Variants in LSMEM2 observed in about 807,000 individuals in gnomAD.
LSMEM2 encodes leucine-rich single-pass membrane protein 2.
LSMEM2 carries 20 observed loss-of-function variants against 17.3 expected under a neutral mutation model. The ratio of observed to expected loss-of-function variants is 1.16; its 90% confidence interval spans 0.81 to 1.68. The LOEUF is 1.68. Among genes scored for constraint, LSMEM2 ranks in the 40% most tolerant of loss-of-function variants. The probability of loss-of-function intolerance (pLI) is 0.00; values close to 1 mark genes in which losing one functional copy is unlikely to be tolerated. For synonymous variants in LSMEM2, 94 were observed against 97.8 expected (o/e 0.96, Z 0.23); for missense variants, 207 against 214.3 (o/e 0.97, Z 0.21).
chr3:50,279,728 C>T (rs1701349858), intron 1 of LSMEM2, among the ~76,000 whole-genome samples: 1 of 152,126 alleles, frequency 6.6e-6, no homozygotes, highest in East Asian at 1.9e-4. Context: ...ATAAGAAGTA[C>T]TGATGCTCAG....
Position 50,284,896 on chromosome 3 carries a change from C to T in LSMEM2, c.59-1575C>T, listed in dbSNP as rs185723856. ...ACTGAAAATACAAAAATTAGCAGGGCGTGGTGGCACACATCTGTAATCCCA... is the reference window on the plus strand; with the variant it reads ...ACTGAAAATACAAAAATTAGCAGGGTGTGGTGGCACACATCTGTAATCCCA... On this transcript the variant is annotated intron_variant, in intron 1 of 3. Transcript: ENST00000316436. 3.2e-3 allele frequency among the ~76,000 whole-genome samples: 483 copies of T among 151,840 alleles called. 1 individual carries two copies. The highest frequency in any genetic ancestry group is 0.021 in the Middle Eastern group (6 of 284).
At chr3:50,279,404 C>T (rs1167006352) in intron 1 of LSMEM2, among the ~76,000 whole-genome samples, 2 of 152,154 alleles carry the variant, frequency 1.3e-5, no homozygotes, top group African/African-American at 4.8e-5. Flanking sequence ...CTGGGGACAT[C>T]AAGGAGGGAT....
At chr3:50,281,973 C>T (rs1553707812) in intron 1 of LSMEM2, among the ~76,000 whole-genome samples, 1 of 152,084 alleles carries the variant, frequency 6.6e-6, no homozygotes, top group Non-Finnish European at 1.5e-5. Flanking sequence ...TGCCTTCAGC[C>T]TCCTGAGTAG....
Position 50,287,181 on chromosome 3 carries a change from T to C in LSMEM2, c.474T>C (p.Ser158=). The change falls in exon 4 of 4, where the codon AGT becomes AGC. Residue 158 remains serine, a synonymous_variant. Transcript: ENST00000316436. The part of the protein sequence containing the change: ...SLSQLRRLNS[S]EAQAPS ...GCCAGCTTCGGAGGCTCAACTCCAG[T>C]GAGGCCCAAGCACCCAGCTGAGATG... 6.2e-7 allele frequency: 1 copy of C among 1,612,660 alleles called. No homozygotes were observed. Among genetic ancestry groups the C allele is most frequent in the South Asian group, 1.1e-5 (1 of 91,076 alleles).
rs148275651 is a variant in LSMEM2, at chr3:50,281,874, C to T, written c.58+2703C>T. 6.0e-3 allele frequency among the ~76,000 whole-genome samples: 902 copies of T among 150,758 alleles called. 8 individuals carry two copies. Among genetic ancestry groups the T allele is most frequent in the African/African-American group, 0.021 (850 of 41,068 alleles). The stretch of plus-strand genomic sequence containing the variant: ...TTAATTACTTTTTTGTTTTTTGAGA[C>T]GAGGTCTAGCTCTGTCGCCCAGGCT... On this transcript the variant is annotated intron_variant, in intron 1 of 3. Transcript: ENST00000316436.
chr3:50,280,679 C>T (rs782615214), intron 1 of LSMEM2, among the ~76,000 whole-genome samples: 87 of 150,906 alleles, frequency 5.8e-4, no homozygotes, highest in Middle Eastern at 3.4e-3. Context: ...CTGCAAGCTC[C>T]GCCTTCCGGG....
In LSMEM2 at chr3:50,286,810, G is replaced by A. The variant is rs148270141; in HGVS notation, c.309G>A (p.Ala103=). The change falls in exon 3 of 4, where the codon GCG becomes GCA. Residue 103 remains alanine (A), a synonymous_variant. Coordinates refer to ENST00000316436, the MANE Select transcript of LSMEM2 (RefSeq NM_153215.3). ...YRRGGFLLLL[A]LLVLTCLVLA... is the part of the protein sequence containing the mutation. The stretch of plus-strand genomic sequence containing the variant: ...GAGGAGGGTTCCTGCTGCTGCTCGC[G>A]CTGCTGGTGCTCACTTGCCTAGTGC... The A allele has an allele frequency of 5.0e-5, 81 of 1,613,898 alleles. 1 individual carries two copies. Among genetic ancestry groups the A allele is most frequent in the East Asian group, 2.2e-4 (10 of 44,900 alleles).
At position 50,287,892 on chromosome 3, in the gene LSMEM2, A is replaced by G; in HGVS notation, c.*690A>G. On this transcript the variant is annotated 3_prime_UTR_variant, in exon 4 of 4. Transcript: ENST00000316436. Reference sequence around the variant, plus strand: ...AAGAGTGGGTCATCCTGGGGGAGCAAGGCCTGAGAAAGGAAAGGAAGGGAA... The same window carrying G: ...AAGAGTGGGTCATCCTGGGGGAGCAGGGCCTGAGAAAGGAAAGGAAGGGAA... 1 of 383,946 alleles carries G rather than the reference A, an allele frequency of 2.6e-6. No homozygotes were observed. 23.8% of individuals were successfully genotyped at this position (383,946 alleles called of 1,614,324 possible).
intron 1 of LSMEM2, among the ~76,000 whole-genome samples, chr3:50,283,826 GA>G (rs1701455164): frequency 6.6e-6 from 1 of 151,984 alleles, no homozygotes; most frequent in Non-Finnish European, 1.5e-5. Context: ...AAACTTCAAT[GA>G]GTGTGAAAGT....
At position 50,286,807 on chromosome 3, in the gene LSMEM2, C is replaced by T. The variant is rs116862338; in HGVS notation, c.306C>T (p.Leu102=). Residue 102 remains leucine (L), a synonymous_variant, in exon 3 of 4, where the codon CTC becomes CTT. Transcript: ENST00000316436. Reference sequence around the variant, plus strand: ...GACGAGGAGGGTTCCTGCTGCTGCTCGCGCTGCTGGTGCTCACTTGCCTAG... The same window carrying T: ...GACGAGGAGGGTTCCTGCTGCTGCTTGCGCTGCTGGTGCTCACTTGCCTAG... The part of the protein sequence containing the change: ...VYRRGGFLLL[L]ALLVLTCLVL... The T allele has an allele frequency of 1.9e-5, 30 of 1,614,036 alleles. No homozygotes were observed. The East Asian group carries it at 2.7e-4, about 14-fold the overall frequency.
Position 50,286,718 on chromosome 3 carries a change from G to C in LSMEM2, c.217G>C (p.Asp73His). 1 of 1,614,268 alleles carries C rather than the reference G, an allele frequency of 6.2e-7. No homozygotes were observed. Among genetic ancestry groups the C allele is most frequent in the Non-Finnish European group, 8.5e-7 (1 of 1,180,050 alleles). Residue 73 changes from aspartate (D) to histidine (H), a missense_variant, in exon 3 of 4, where the codon GAT becomes CAT. Coordinates refer to ENST00000316436, the MANE Select transcript of LSMEM2 (RefSeq NM_153215.3). ...PYLTEEARPWDELLGVLPPSL... is the reference protein window; with the variant it reads ...PYLTEEARPWHELLGVLPPSL... Reference sequence around the variant, plus strand: ...TCTAACTGAAGAGGCACGACCGTGGGATGAGCTGCTGGGCGTTTTGCCGCC... The same window carrying C: ...TCTAACTGAAGAGGCACGACCGTGGCATGAGCTGCTGGGCGTTTTGCCGCC...
rs1307905722 is a variant in LSMEM2 at position 50,287,089 on chromosome 3, C to T, written c.382C>T (p.Arg128Cys). The T allele has an allele frequency of 1.4e-5, 22 of 1,614,022 alleles. No homozygotes were observed. The highest frequency in any genetic ancestry group is 1.6e-5 in the Non-Finnish European group (19 of 1,180,016). ...CACAGTGCTGCAGAGTGAATCCCTG[C>T]GCATCCTGGCACACACGCTCCGCAC... Reference protein sequence around the residue: ...YLSVLQSESLRILAHTLRTQE... With the variant: ...YLSVLQSESLCILAHTLRTQE... The change falls in exon 4 of 4, where the codon CGC becomes TGC. Residue 128 changes from arginine (R) to cysteine (C), a missense_variant. Transcript: ENST00000316436.
In LSMEM2 at chr3:50,279,125, G is replaced by A. The variant is rs1701334886; in HGVS notation, c.12G>A (p.Leu4=). The change falls in exon 1 of 4, where the codon TTG becomes TTA. Residue 4 remains leucine, a synonymous_variant. Transcript: ENST00000316436. ...AGTCCTGCTACTGGATGCCATCATTGGCCCCCGACTGCCCACTGCTTGCCA... is the reference window on the plus strand; with the variant it reads ...AGTCCTGCTACTGGATGCCATCATTAGCCCCCGACTGCCCACTGCTTGCCA... MPS[L]APDCPLLAMP... The A allele has an allele frequency of 1.9e-6, 3 of 1,614,140 alleles. No individual in the cohort carries two copies. The East Asian group carries it at 6.7e-5, about 36-fold the overall frequency.
At chr3:50,283,944 G>A (rs189378367) in intron 1 of LSMEM2, among the ~76,000 whole-genome samples, 28 of 152,204 alleles carry the variant, frequency 1.8e-4, no homozygotes, top group Middle Eastern at 3.4e-3. Flanking sequence ...GGTGGCTTGC[G>A]CCTATAATCC....
chr3:50,287,343 A>AACTT lies in LSMEM2; in HGVS notation c.*143_*146dup, dbSNP rs1247045472. On this transcript the variant is annotated 3_prime_UTR_variant, in exon 4 of 4. Transcript: ENST00000316436. ...GATTTTTGTACAAGAACCTGTTGTT[A>AACTT]ACTTAATGGCTGCCTCCCTCTCCTG... is the stretch of plus-strand genomic sequence containing the variant. 9.8e-6 allele frequency: 11 copies of AACTT among 1,122,826 alleles called. No individual in the cohort carries two copies. In the African/African-American group the frequency reaches 1.4e-4, roughly 14 times the overall value. 69.6% of individuals were successfully genotyped at this position (1,122,826 alleles called of 1,614,324 possible). A position where few individuals can be genotyped will look rare whatever the true frequency, so the allele number is the denominator to read the frequency against.
intron 1 of LSMEM2, among the ~76,000 whole-genome samples, chr3:50,284,248 A>G (rs587753561): frequency 6.6e-6 from 1 of 150,432 alleles, no homozygotes; most frequent in South Asian, 2.1e-4. Flanking sequence ...TATTAGTCAC[A>G]CTCCCTAGGC....
chr3:50,279,787 C>G (rs1206715206), intron 1 of LSMEM2, among the ~76,000 whole-genome samples: 1 of 152,064 alleles, frequency 6.6e-6, no homozygotes, highest in East Asian at 1.9e-4. Flanking sequence ...CAGTACTGGC[C>G]AGGACGTAGG....
At chr3:50,280,627 T>C (rs1701371521) in intron 1 of LSMEM2, among the ~76,000 whole-genome samples, 1 of 147,026 alleles carries the variant, frequency 6.8e-6, no homozygotes, top group African/African-American at 2.5e-5. Flanking sequence ...GGAGTCTCGC[T>C]CTGTCGCCCA....
Position 50,288,084 on chromosome 3 carries a change from TA to T in LSMEM2, c.*890del, listed in dbSNP as rs200386050. On this transcript the variant is annotated 3_prime_UTR_variant, in exon 4 of 4. Transcript: ENST00000316436. ...CCATGTCTGTTTTTGGTTTTGTCAT[TA>T]AAAAAAATAAAGTGACAAATACTGG... 1,616 of 1,078,280 alleles carry T rather than the reference TA, an allele frequency of 1.5e-3. 14 individuals are homozygous for T. The African/African-American group carries it at 0.02, about 13-fold the overall frequency. 66.8% of individuals were successfully genotyped at this position (1,078,280 alleles called of 1,614,324 possible). A position where few individuals can be genotyped will look rare whatever the true frequency, so the allele number is the denominator to read the frequency against.
Sources: allele counts gnomAD v4.1 joint callset (sites outside exome capture counted in the v4.1 genomes callset), GRCh38; gene constraint gnomAD v4.1.1; transcripts MANE v1.5; gene names NCBI Gene and HGNC (gene_info 2026-07-23, HGNC 2026-07-21).